ALDH9A1: variants seen among roughly 807,000 people sequenced by gnomAD.
ALDH9A1 encodes the protein 4-trimethylaminobutyraldehyde dehydrogenase.
ALDH9A1 carries 42 observed loss-of-function variants against 56.6 expected under a neutral mutation model. The ratio of observed to expected loss-of-function variants is 0.74; its 90% CI spans 0.58 to 0.96. The LOEUF (loss-of-function observed/expected upper bound fraction) is 0.96. Among genes scored for constraint, ALDH9A1 ranks in the 40% least tolerant of loss-of-function variants. The pLI, the probability that ALDH9A1 is intolerant of heterozygous loss-of-function variation, is 0.00. For synonymous variants in ALDH9A1, 242 were observed against 236.0 expected (o/e 1.03, Z -0.23); for missense variants, 661 against 651.5 (o/e 1.01, Z -0.16).
chr1:165,692,407 C>T (rs1241285827), intron 2 of ALDH9A1, among the ~76,000 whole-genome samples: 1 of 152,132 alleles, frequency 6.6e-6, no homozygotes, highest in South Asian at 2.1e-4. Context: ...ACAAGCATTC[C>T]TATACACCAA....
chr1:165,669,483 G>C (rs112550701), intron 6 of ALDH9A1, 33 bp from the exon 7 acceptor site: 35 of 1,529,164 alleles, frequency 2.3e-5, no homozygotes, highest in African/African-American at 2.0e-4. Context: ...CAATTTCTAT[G>C]TGTGTAAGGA....
Position 165,683,661 on chromosome 1 carries a change from G to A in ALDH9A1, c.328-551C>T, listed in dbSNP as rs369556615. Among the ~76,000 whole-genome samples, 10 of 152,128 alleles carry A rather than the reference G, an allele frequency of 6.6e-5. No homozygotes were observed. The East Asian group carries it at 7.7e-4, about 12-fold the overall frequency. On this transcript the variant is annotated intron_variant, in intron 2 of 10. Coordinates refer to ENST00000354775, the MANE Select transcript of ALDH9A1 (RefSeq NM_000696.4). ...GAGGTTGTAATATGCGTCACTTTAA[G>A]TCACCCAAAGAATTGCAGCATATTC...
At chr1:165,687,632 A>C (rs1649753210) in intron 2 of ALDH9A1, among the ~76,000 whole-genome samples, 1 of 152,240 alleles carries the variant, frequency 6.6e-6, no homozygotes, top group Non-Finnish European at 1.5e-5. Context: ...AAATTAATGC[A>C]AAAGAAAGAC....
intron 2 of ALDH9A1, among the ~76,000 whole-genome samples, chr1:165,686,848 G>A (rs191701013): frequency 1.8e-4 from 28 of 152,112 alleles, no homozygotes; most frequent in Middle Eastern, 3.4e-3. Flanking sequence ...GTAGAAAACC[G>A]TAACATTTAA....
intron 6 of ALDH9A1, among the ~76,000 whole-genome samples, chr1:165,673,786 ATTAAGGG>A (rs1649256421): frequency 6.6e-6 from 1 of 152,108 alleles, no homozygotes. Flanking sequence ...AACCCTTAGG[ATTAAGGG>A]TTCTTTTATA....
intron 8 of ALDH9A1, chr1:165,668,614 A>T (rs534355492): frequency 4.7e-6 from 1 of 213,486 alleles, no homozygotes; most frequent in South Asian, 1.0e-4. Context: ...CATGAAAAAC[A>T]TTCTTTATTT....
At chr1:165,688,162 CA>C (rs1393168585) in intron 2 of ALDH9A1, among the ~76,000 whole-genome samples, 1 of 151,910 alleles carries the variant, frequency 6.6e-6, no homozygotes, top group Admixed American at 6.6e-5. Context: ...ACAAAAAATA[CA>C]AAAATTAGCC....
At chr1:165,667,471 C>T (rs1269481716) in intron 8 of ALDH9A1, 21 bp from the exon 9 acceptor site, 2 of 1,612,024 alleles carry the variant, frequency 1.2e-6, no homozygotes, top group East Asian at 2.2e-5. Context: ...TAAAATAAAA[C>T]CTCCTGAGCA....
intron 4 of ALDH9A1, 39 bp downstream of exon 4, chr1:165,682,068 A>T: frequency 1.2e-6 from 2 of 1,610,440 alleles, no homozygotes; most frequent in Non-Finnish European, 1.7e-6. Context: ...CGAGAGAATG[A>T]ACGAATGGCT....
intron 2 of ALDH9A1, among the ~76,000 whole-genome samples, chr1:165,683,610 A>G (rs1649622130): frequency 6.6e-6 from 1 of 152,244 alleles, no homozygotes; most frequent in Non-Finnish European, 1.5e-5. Flanking sequence ...ATTATACAAA[A>G]TATTCTAACA....
intron 6 of ALDH9A1, among the ~76,000 whole-genome samples, chr1:165,674,452 C>T (rs1299051402): frequency 2.6e-5 from 4 of 151,652 alleles, no homozygotes; most frequent in Non-Finnish European, 5.9e-5. Context: ...TTTGGGAGGC[C>T]GAGGTGGGCA....
At position 165,679,424 on chromosome 1, in the gene ALDH9A1, C is replaced by T; in HGVS notation, c.930+18G>A. ...GGTAGAGATTCCTTTTACACCTCTT[C>T]CAGGGACAGGTACATACCTGGCCTT... is the stretch of plus-strand genomic sequence containing the variant. On this transcript the variant is annotated intron_variant, in intron 6 of 10. Coordinates refer to ENST00000354775, the MANE Select transcript of ALDH9A1 (RefSeq NM_000696.4). The T allele has an allele frequency of 6.2e-7, 1 of 1,613,456 alleles. No homozygotes were observed. The highest frequency in any genetic ancestry group is 8.5e-7 in the Non-Finnish European group (1 of 1,179,544).
At chr1:165,693,838 G>C (rs990246665) in intron 2 of ALDH9A1, among the ~76,000 whole-genome samples, 5 of 152,076 alleles carry the variant, frequency 3.3e-5, no homozygotes, top group African/African-American at 9.7e-5. Context: ...ATGATAGACT[G>C]GATTAAGAAA....
intron 9 of ALDH9A1, among the ~76,000 whole-genome samples, chr1:165,666,015 A>G (rs1296680656): frequency 6.6e-6 from 1 of 152,244 alleles, no homozygotes; most frequent in Admixed American, 6.5e-5. Flanking sequence ...AAATGCCTGT[A>G]ACAGATGAAT....
At position 165,693,824 on chromosome 1, in the gene ALDH9A1, A is replaced by G. The variant is rs1649975067; in HGVS notation, c.327+1428T>C. On this transcript the variant is annotated intron_variant, in intron 2 of 10. Transcript: ENST00000354775. Reference sequence around the variant, plus strand: ...AGACTTGGAACCAACCCAAATGCCCATCAATGATAGACTGGATTAAGAAAA... The same window carrying G: ...AGACTTGGAACCAACCCAAATGCCCGTCAATGATAGACTGGATTAAGAAAA... Among the ~76,000 whole-genome samples the G allele has an allele frequency of 2.0e-5, 3 of 152,352 alleles. No homozygotes were observed. The South Asian group carries it at 6.2e-4, about 32-fold the overall frequency.
In ALDH9A1 at chr1:165,693,986, G is replaced by A. The variant is rs1161500700; in HGVS notation, c.327+1266C>T. Among the ~76,000 whole-genome samples, 36 of 139,012 alleles carry A rather than the reference G, an allele frequency of 2.6e-4. No homozygotes were observed. In the East Asian group the frequency reaches 6.9e-3, roughly 27 times the overall value. 91.2% of individuals were successfully genotyped at this position (139,012 alleles called of 152,430 possible). Reference sequence around the variant, plus strand: ...AAGGACAGAAAACCAAACACTGCATGTTCTCATTCATAGGTGGGAATTGAA... The same window carrying A: ...AAGGACAGAAAACCAAACACTGCATATTCTCATTCATAGGTGGGAATTGAA... On this transcript the variant is annotated intron_variant, in intron 2 of 10. Coordinates refer to ENST00000354775, the MANE Select transcript of ALDH9A1 (RefSeq NM_000696.4).
chr1:165,695,721 C>T (rs920717796), intron 1 of ALDH9A1, among the ~76,000 whole-genome samples: 3 of 152,004 alleles, frequency 2.0e-5, no homozygotes, highest in African/African-American at 7.3e-5. Flanking sequence ...TGGTCTTGAT[C>T]TCCTGACCTT....
chr1:165,675,011 G>A (rs1334671533), intron 6 of ALDH9A1, among the ~76,000 whole-genome samples: 1 of 152,104 alleles, frequency 6.6e-6, no homozygotes, highest in Non-Finnish European at 1.5e-5. Context: ...TGGCCAACAT[G>A]GTGAAACCCT....
At position 165,663,117 on chromosome 1, in the gene ALDH9A1, G is replaced by T. The variant is rs1367298069; in HGVS notation, c.1490C>A (p.Thr497Lys). The change falls in exon 11 of 11, where the codon ACA becomes AAA. Residue 497 changes from threonine to lysine, a missense_variant. Thr to Lys is a moderately conservative substitution (Grantham distance 78). Transcript: ENST00000354775. ...CTTCAGCTGTGAATAATATTCGATT[G>T]TCACACGGCCGTTCTCTCTGCCAAA... ...SGFGRENGRVTIEYYSQLKTV... is the reference protein window; with the variant it reads ...SGFGRENGRVKIEYYSQLKTV... The T allele has an allele frequency of 6.2e-7, 1 of 1,614,026 alleles. No homozygotes were observed. The highest frequency in any genetic ancestry group is 2.2e-5 in the East Asian group (1 of 44,868).
Sources: allele counts gnomAD v4.1 joint callset (sites outside exome capture counted in the v4.1 genomes callset), GRCh38; gene constraint gnomAD v4.1.1; transcripts MANE v1.5; gene names NCBI Gene and HGNC (gene_info 2026-07-23, HGNC 2026-07-21).